The following NRCAM variants were observed in gnomAD, a reference collection of about 807,000 sequenced individuals.
NRCAM encodes neuronal cell adhesion molecule, also known as NgCAM-related cell adhesion molecule.
In NRCAM, 83 loss-of-function variants were observed where a neutral mutation model predicts 156.5. The ratio of observed to expected loss-of-function variants is 0.53; its 90% CI spans 0.44 to 0.64. NRCAM has a LOEUF of 0.64. NRCAM is among the 30% of genes least tolerant of loss of function. The probability of loss-of-function intolerance (pLI) is 0.00; values close to 1 mark genes in which losing one functional copy is unlikely to be tolerated. For missense variants in NRCAM, 1,417 were observed against 1,597.3 expected, an observed-to-expected ratio of 0.89 and a Z score of 1.92; for synonymous variants, 538 against 563.9, an observed-to-expected ratio of 0.95 and a Z score of 0.65.
intron 32 of NRCAM, chr7:108,156,349 T>C (rs569255593): frequency 1.2e-5 from 12 of 984,512 alleles, no homozygotes; most frequent in Non-Finnish European, 1.4e-5. Context: ...TATTCTGGTT[T>C]TAAGGAAAAT....
At chr7:108,395,522 T>C (rs1195887571) in intron 2 of NRCAM, among the ~76,000 whole-genome samples, 1 of 152,190 alleles carries the variant, frequency 6.6e-6, no homozygotes, top group Non-Finnish European at 1.5e-5. Flanking sequence ...CAGCAACACA[T>C]TTTACTGTTA....
intron 1 of NRCAM, among the ~76,000 whole-genome samples, chr7:108,423,134 G>T (rs1812431881): frequency 6.6e-6 from 1 of 152,110 alleles, no homozygotes; most frequent in African/African-American, 2.4e-5. Context: ...CAGCTTGGTA[G>T]AGAGGACGGT....
chr7:108,448,462 A>G (rs560107165), intron 1 of NRCAM, among the ~76,000 whole-genome samples: 1 of 152,378 alleles, frequency 6.6e-6, no homozygotes, highest in East Asian at 1.9e-4. Context: ...CAAAGATGCG[A>G]AAGCAAAATT....
At chr7:108,216,222 G>C (rs983862990) in intron 11 of NRCAM, among the ~76,000 whole-genome samples, 2 of 152,208 alleles carry the variant, frequency 1.3e-5, no homozygotes, top group Non-Finnish European at 2.9e-5. Context: ...TTTTCTTTAA[G>C]AATGTTGAAT....
At chr7:108,189,897 G>C (rs1353032929) in intron 19 of NRCAM, 151 bp from the exon 20 acceptor site, 1 of 537,976 alleles carries the variant, frequency 1.9e-6, no homozygotes, top group Non-Finnish European at 3.2e-6. Flanking sequence ...GTGCACAGCT[G>C]AGGCTGCTGG....
intron 2 of NRCAM, among the ~76,000 whole-genome samples, chr7:108,346,182 T>G (rs2099352807): frequency 6.6e-6 from 1 of 152,084 alleles, no homozygotes; most frequent in African/African-American, 2.4e-5. Flanking sequence ...CAACACAATT[T>G]AGGAGGAGTG....
chr7:108,430,276 GAGA>G (rs1184197044), intron 1 of NRCAM, among the ~76,000 whole-genome samples: 2 of 152,158 alleles, frequency 1.3e-5, no homozygotes, highest in African/African-American at 4.8e-5. Flanking sequence ...TTGCTATGTT[GAGA>G]AGATGTAGCA....
chr7:108,220,749 A>G (rs1421429510), intron 11 of NRCAM, among the ~76,000 whole-genome samples: 1 of 152,248 alleles, frequency 6.6e-6, no homozygotes, highest in African/African-American at 2.4e-5. Flanking sequence ...AAAATTCTAG[A>G]AAATATCATA....
chr7:108,333,449 T>C (rs2099147397), intron 2 of NRCAM, among the ~76,000 whole-genome samples: 1 of 152,190 alleles, frequency 6.6e-6, no homozygotes, highest in South Asian at 2.1e-4. Flanking sequence ...AAAGGCTTGA[T>C]AATTCTATTT....
chr7:108,305,175 G>T (rs1040272368), intron 3 of NRCAM, among the ~76,000 whole-genome samples: 2 of 152,132 alleles, frequency 1.3e-5, no homozygotes, highest in African/African-American at 4.8e-5. Context: ...AAGTTTTTCA[G>T]ATACCTTTAA....
intron 28 of NRCAM, among the ~76,000 whole-genome samples, chr7:108,171,461 TA>T (rs2058391705): frequency 1.3e-5 from 2 of 152,302 alleles, no homozygotes; most frequent in South Asian, 4.1e-4. Context: ...CCGCTTGGTA[TA>T]ACCCAGACAT....
chr7:108,356,536 A>C (rs1158836326), intron 2 of NRCAM, among the ~76,000 whole-genome samples: 1 of 152,192 alleles, frequency 6.6e-6, no homozygotes, highest in Admixed American at 6.5e-5. Flanking sequence ...GCTGTGGCCT[A>C]ACCTAAAAAT....
At chr7:108,221,240 A>G (rs1292677104) in intron 11 of NRCAM, among the ~76,000 whole-genome samples, 1 of 152,210 alleles carries the variant, frequency 6.6e-6, no homozygotes, top group Non-Finnish European at 1.5e-5. Context: ...ACACTTCTAC[A>G]GTGCTGGTGG....
At chr7:108,203,922 G>A (rs1163496593) in intron 13 of NRCAM, among the ~76,000 whole-genome samples, 1 of 152,208 alleles carries the variant, frequency 6.6e-6, no homozygotes, top group East Asian at 1.9e-4. Context: ...ATGAAGGCAA[G>A]GAGTCTTCAT....
intron 1 of NRCAM, among the ~76,000 whole-genome samples, chr7:108,403,443 G>A (rs2099798679): frequency 6.6e-6 from 1 of 152,106 alleles, no homozygotes; most frequent in East Asian, 1.9e-4. Flanking sequence ...AGAGCAAACA[G>A]TAGTATAAAA....
intron 11 of NRCAM, among the ~76,000 whole-genome samples, chr7:108,219,022 G>C (rs1044626567): frequency 6.6e-6 from 1 of 152,122 alleles, no homozygotes; most frequent in African/African-American, 2.4e-5. Flanking sequence ...AATGAAAAGG[G>C]AGATATTACA....
chr7:108,196,041 A>G (rs578096641), intron 14 of NRCAM, among the ~76,000 whole-genome samples, 169 bp from the exon 15 acceptor site: 55 of 152,316 alleles, frequency 3.6e-4, no homozygotes, highest in African/African-American at 1.2e-3. Context: ...CTCAAGGCAG[A>G]AAAATACATT....
intron 11 of NRCAM, among the ~76,000 whole-genome samples, chr7:108,223,382 T>C (rs17329109): frequency 0.013 from 2,033 of 152,322 alleles, 32 homozygotes; most frequent in Non-Finnish European, 0.019. Context: ...AGCAAAATAA[T>C]ATACTCTAAT....
chr7:108,338,667 AAGAG>A (rs2099237384), intron 2 of NRCAM, among the ~76,000 whole-genome samples: 1 of 152,246 alleles, frequency 6.6e-6, no homozygotes, highest in Admixed American at 6.5e-5. Context: ...CAGAGAGACA[AAGAG>A]GGAGTCAAAG....
Sources: allele counts gnomAD v4.1 joint callset (sites outside exome capture counted in the v4.1 genomes callset), GRCh38; gene constraint gnomAD v4.1.1; transcripts MANE v1.5; gene names NCBI Gene and HGNC (gene_info 2026-07-23, HGNC 2026-07-21).